ITLN2: variants seen among roughly 807,000 people sequenced by gnomAD.
The protein encoded by ITLN2 is intelectin 2, also known as intelectin-2.
ITLN2 carries 29 observed loss-of-function variants against 39.4 expected under a neutral mutation model. The observed-to-expected ratio is 0.74, with a 90% confidence interval of 0.55 to 1.00. The LOEUF is 1.00. ITLN2 is among the 50% of genes least tolerant of loss of function. The pLI is 0.00. For synonymous variants in ITLN2, 156 were observed against 153.4 expected, an observed-to-expected ratio of 1.02 and a Z score of -0.12; for missense variants, 412 against 416.7, an observed-to-expected ratio of 0.99 and a Z score of 0.10.
In ITLN2 at chr1:160,951,096, C is replaced by T; in HGVS notation, c.388G>A (p.Ala130Thr). ...ADYPEGDGNW[A>T]NYNTFGSAEA... ...GCAGATCCAAAGGTGTTGTAGTTGG[C>T]CCAGTTGCCATCCCCCTCTGGGTAG... is the stretch of plus-strand genomic sequence containing the variant. Residue 130 changes from alanine to threonine, a missense_variant, in exon 4 of 8, where the codon GCC becomes ACC. Coordinates refer to ENST00000368029, the MANE Select transcript of ITLN2 (RefSeq NM_080878.3). The T allele has an allele frequency of 6.2e-7, 1 of 1,614,198 alleles. No homozygotes were observed. The highest frequency in any genetic ancestry group is 8.5e-7 in the Non-Finnish European group (1 of 1,180,034).
chr1:160,946,933 G>C (rs997025048), intron 7 of ITLN2, among the ~76,000 whole-genome samples: 2 of 151,992 alleles, frequency 1.3e-5, no homozygotes, highest in East Asian at 3.9e-4. Flanking sequence ...CACATCTGTG[G>C]GTATTTCTCG....
At chr1:160,950,904 G>T (rs752945144) in intron 4 of ITLN2, 139 bp downstream of exon 4, 22 of 1,520,232 alleles carry the variant, frequency 1.4e-5, no homozygotes, top group Non-Finnish European at 1.8e-5. Flanking sequence ...AGAGGAAGTT[G>T]TGATTCAAGT....
At chr1:160,946,477 C>T (rs1475113623) in intron 7 of ITLN2, among the ~76,000 whole-genome samples, 2 of 151,802 alleles carry the variant, frequency 1.3e-5, no homozygotes, top group African/African-American at 2.4e-5. Context: ...TTTGGGAGGC[C>T]GAGACGGGCG....
chr1:160,953,258 T>C (rs1557875587), intron 2 of ITLN2, among the ~76,000 whole-genome samples: 1 of 152,084 alleles, frequency 6.6e-6, no homozygotes, highest in East Asian at 1.9e-4. Flanking sequence ...AAACTACAGG[T>C]CAGTCGCTTA....
chr1:160,950,235 G>A (rs1557874092), intron 5 of ITLN2, 69 bp from the exon 6 acceptor site: 2 of 1,544,280 alleles, frequency 1.3e-6, no homozygotes, highest in South Asian at 2.3e-5. Flanking sequence ...GGGGAGGAGG[G>A]GTTTCAAATT....
At position 160,954,441 on chromosome 1, in the gene ITLN2, T is replaced by C. The variant is rs781514571; in HGVS notation, c.25A>G (p.Thr9Ala). 1.3e-6 allele frequency: 2 copies of C among 1,579,288 alleles called. No homozygotes were observed. The highest frequency in any genetic ancestry group is 1.7e-6 in the Non-Finnish European group (2 of 1,161,068). The change falls in exon 2 of 8, where the codon ACC (threonine) becomes GCC (alanine). Residue 9 changes from threonine (T) to alanine (A), a missense_variant. Physicochemically the swap from Thr to Ala is moderately conservative, Grantham distance 58. Transcript: ENST00000368029. The part of the protein sequence containing the change: MLSMLRTM[T>A]RLCFLLFFSV... ...AAGAATAACAGGAAGCAGAGTCTGG[T>C]CATTGTCCTCTAAGGAAAAACAAGA...
chr1:160,950,073 C>G lies in ITLN2; in HGVS notation c.694G>C (p.Ala232Pro). The change falls in exon 6 of 8, where the codon GCA becomes CCA. Residue 232 changes from alanine to proline, a missense_variant. Transcript: ENST00000368029. ...TGACCATACGGTGAGTAATAAGATG[C>G]AGTCTTCTTAGCATCACCAAAGTCA... is the stretch of plus-strand genomic sequence containing the variant. ...VYDFGDAKKT[A>P]SYYSPYGQRE... 1 of 1,613,850 alleles carries G rather than the reference C, an allele frequency of 6.2e-7. No homozygotes were observed. The highest frequency in any genetic ancestry group is 8.5e-7 in the Non-Finnish European group (1 of 1,179,750).
chr1:160,945,274 C>T lies in ITLN2; in HGVS notation c.844G>A (p.Gly282Arg), dbSNP rs1468883133. The T allele has an allele frequency of 1.3e-6, 2 of 1,573,530 alleles. No homozygotes were observed. The highest frequency in any genetic ancestry group is 2.1e-5 in the Admixed American group (1 of 46,698). Reference sequence around the variant, plus strand: ...CGGGGTTTGCCCTGTGGGAAGAACCCTCCTCCACCGATGCAGTGCTGGGAA... The same window carrying T: ...CGGGGTTTGCCCTGTGGGAAGAACCTTCCTCCACCGATGCAGTGCTGGGAA... ...NTEHHCIGGG[G>R]FFPQGKPRQC... The change falls in exon 8 of 8, where the codon GGG (glycine) becomes AGG (arginine). Residue 282 changes from glycine to arginine, a missense_variant. By Grantham distance (125) the Gly-to-Arg change is moderately radical (BLOSUM62 -2). Transcript: ENST00000368029.
rs377409424 is a variant in ITLN2, at chr1:160,954,761, T to A, written c.-20A>T. On this transcript the variant is annotated 5_prime_UTR_variant, in exon 1 of 8. Transcript: ENST00000368029. ...CAGCATCCTTACAGATGCCAGGAGC[T>A]GATAGTTCCCTTCCTGTGGACACTC... The A allele has an allele frequency of 2.5e-6, 4 of 1,613,774 alleles. No homozygotes were observed. Among genetic ancestry groups the A allele is most frequent in the Non-Finnish European group, 3.4e-6 (4 of 1,179,808 alleles).
chr1:160,945,650 C>T (rs1051648507), intron 7 of ITLN2, among the ~76,000 whole-genome samples: 4 of 152,186 alleles, frequency 2.6e-5, no homozygotes, highest in Non-Finnish European at 5.9e-5. Flanking sequence ...GAATAGCTGC[C>T]TCATCTTAGC....
Position 160,945,044 on chromosome 1 carries a change from A to G in ITLN2, c.*96T>C. On this transcript the variant is annotated 3_prime_UTR_variant, in exon 8 of 8. Coordinates refer to ENST00000368029, the MANE Select transcript of ITLN2 (RefSeq NM_080878.3). ...ATAGAGTTGCAAATTGATGTGATTT[A>G]GTCTCCTCTCCTCCTTGTTAGAATT... 2 of 1,042,784 alleles carry G rather than the reference A, an allele frequency of 1.9e-6. No homozygotes were observed. The highest frequency in any genetic ancestry group is 2.8e-6 in the Non-Finnish European group (2 of 725,292). The allele number at this position is 1,042,784 out of a possible 1,614,324, so 64.6% of individuals were successfully genotyped here. A position where few individuals can be genotyped will look rare whatever the true frequency, so the allele number is the denominator to read the frequency against.
intron 2 of ITLN2, 146 bp from the exon 3 acceptor site, chr1:160,952,879 A>AC: frequency 3.2e-6 from 2 of 618,958 alleles, no homozygotes; most frequent in East Asian, 5.5e-5. Context: ...GTCTGATCCA[A>AC]CAGCTGGTAT....
chr1:160,949,989 C>G, intron 6 of ITLN2, 57 bp downstream of exon 6: 1 of 1,520,726 alleles, frequency 6.6e-7, no homozygotes. Flanking sequence ...TATTTGCCAC[C>G]ATTCTCCAAG....
intron 6 of ITLN2, among the ~76,000 whole-genome samples, chr1:160,948,438 C>T (rs1671656602): frequency 6.6e-6 from 1 of 152,338 alleles, no homozygotes; most frequent in Non-Finnish European, 1.5e-5. Context: ...CCCTGACCAT[C>T]ACCTGCTTTC....
intron 2 of ITLN2, 73 bp downstream of exon 2, chr1:160,954,314 C>G: frequency 8.6e-7 from 1 of 1,159,832 alleles, no homozygotes; most frequent in Non-Finnish European, 1.2e-6. Flanking sequence ...CTGCCCAGCT[C>G]TACTCCCTCC....
chr1:160,951,403 A>G (rs146741582), intron 3 of ITLN2, 113 bp from the exon 4 acceptor site: 4 of 1,368,078 alleles, frequency 2.9e-6, no homozygotes, highest in South Asian at 1.5e-5. Context: ...ACTCCAACAC[A>G]TACTTGCTGG....
At chr1:160,952,782 ATC>A in intron 2 of ITLN2, 49 bp from the exon 3 acceptor site, 1 of 1,377,756 alleles carries the variant, frequency 7.3e-7, no homozygotes, top group Non-Finnish European at 1.0e-6. Context: ...CACTGAGGCC[ATC>A]TTTCCTGGCC....
At chr1:160,954,301 G>T in intron 2 of ITLN2, 86 bp downstream of exon 2, 2 of 1,046,224 alleles carry the variant, frequency 1.9e-6, no homozygotes, top group Non-Finnish European at 2.8e-6. Context: ...TGACTTCAGA[G>T]CCCTGCCCAG....
intron 2 of ITLN2, 77 bp downstream of exon 2, chr1:160,954,310 A>G (rs1671815376): frequency 1.8e-6 from 2 of 1,114,768 alleles, no homozygotes; most frequent in Non-Finnish European, 2.6e-6. Context: ...AGCCCTGCCC[A>G]GCTCTACTCC....
Sources: gnomAD v4.1 joint callset for allele counts (sites outside exome capture counted in the v4.1 genomes callset) on GRCh38, gnomAD v4.1.1 for gene constraint, MANE v1.5 for transcripts, NCBI Gene and HGNC (gene_info 2026-07-23, HGNC 2026-07-21) for gene names.